Variants in APBB1IP observed in about 807,000 individuals in gnomAD.
APBB1IP encodes amyloid beta precursor protein binding family B member 1 interacting protein, also known as amyloid beta A4 precursor protein-binding family B member 1-interacting protein.
Under a neutral mutation model 64.9 loss-of-function variants are expected in APBB1IP, and 27 were observed. The ratio of observed to expected loss-of-function variants is 0.42; its 90% CI spans 0.31 to 0.57. The LOEUF is 0.57. Ranked by LOEUF, APBB1IP falls within the 20% of genes least tolerant of loss-of-function variation. The pLI is 0.20. For synonymous variants in APBB1IP, 392 were observed against 331.0 expected (o/e 1.18, Z -2.00); for missense variants, 812 against 845.5 (o/e 0.96, Z 0.49).
intron 2 of APBB1IP, among the ~76,000 whole-genome samples, chr10:26,445,187 A>G (rs952418306): frequency 6.8e-6 from 1 of 147,762 alleles, no homozygotes; most frequent in Admixed American, 6.8e-5. Flanking sequence ...AAAGAAAGAA[A>G]GAAAGAAAAG....
rs777500923 is a variant in APBB1IP, at chr10:26,489,554, T to TTA, written c.1-2772_1-2771dup. On this transcript the variant is annotated intron_variant, in intron 2 of 14. Transcript: ENST00000376236. The stretch of plus-strand genomic sequence containing the variant: ...ATGCACTGATTCACGCAAAATGATT[T>TTA]TACAGCCTCATCTGTTCTGATTGCT... 1.4e-4 allele frequency among the ~76,000 whole-genome samples: 21 copies of TTA among 152,316 alleles called. No homozygotes were observed. The East Asian group carries it at 4.0e-3, about 29-fold the overall frequency.
At chr10:26,498,862 T>A (rs787041) in intron 4 of APBB1IP, among the ~76,000 whole-genome samples, 86,891 of 152,140 alleles carry the variant, frequency 0.57, 27,421 homozygotes, top group East Asian at 0.87. Flanking sequence ...GGACAAGACA[T>A]TTAAAAACTA....
chr10:26,489,892 G>T (rs1835934624), intron 2 of APBB1IP, among the ~76,000 whole-genome samples: 1 of 152,174 alleles, frequency 6.6e-6, no homozygotes, highest in Non-Finnish European at 1.5e-5. Flanking sequence ...AGGCATAGTG[G>T]TGGGTGCCCA....
At position 26,503,241 on chromosome 10, in the gene APBB1IP, G is replaced by A. The variant is rs117705625; in HGVS notation, c.498G>A (p.Ala166=). 9.9e-4 allele frequency: 1,590 copies of A among 1,614,054 alleles called. 5 individuals are homozygous for A. The highest frequency in any genetic ancestry group is 1.3e-3 in the Non-Finnish European group (1,478 of 1,179,990). Residue 166 remains alanine, a synonymous_variant, in exon 6 of 15, where the codon GCG becomes GCA. Transcript: ENST00000376236. ...AQAKADKIKL[A]LEKLKEAKVK... is the part of the protein sequence containing the mutation. ...CCAAGGCTGATAAAATTAAGCTGGC[G>A]CTGGAAAAACTGAAGGAGGCCAAGG...
chr10:26,510,766 ACACACACAC>A (rs1836246914), intron 6 of APBB1IP, among the ~76,000 whole-genome samples: 5 of 151,704 alleles, frequency 3.3e-5, no homozygotes, highest in African/African-American at 4.8e-5. Flanking sequence ...ACACACACAC[ACACACACAC>A]AAATGAAAAT....
chr10:26,566,531 G>A (rs189602687), intron 14 of APBB1IP, among the ~76,000 whole-genome samples: 4 of 152,192 alleles, frequency 2.6e-5, no homozygotes, highest in African/African-American at 7.2e-5. Flanking sequence ...TGAGATTATA[G>A]GCATGAGCCA....
chr10:26,496,284 G>A lies in APBB1IP; in HGVS notation c.73-20G>A, dbSNP rs1247200698. The A allele has an allele frequency of 1.5e-5, 23 of 1,571,678 alleles. No homozygotes were observed. Among genetic ancestry groups the A allele is most frequent in the Non-Finnish European group, 1.9e-5 (22 of 1,144,170 alleles). On this transcript the variant is annotated intron_variant, in intron 3 of 14. Transcript: ENST00000376236. Reference sequence around the variant, plus strand: ...TGTTTGTATCATGAATAACTTTGATGGGGGGATCTTTTTTCACAGAGTTTA... The same window carrying A: ...TGTTTGTATCATGAATAACTTTGATAGGGGGATCTTTTTTCACAGAGTTTA...
In APBB1IP at chr10:26,513,804, C is replaced by T. The variant is rs1460644319; in HGVS notation, c.813+144C>T. 6.0e-6 allele frequency: 6 copies of T among 998,412 alleles called. No homozygotes were observed. In the African/African-American group the frequency reaches 8.5e-5, roughly 14 times the overall value. The allele number at this position is 998,412 out of a possible 1,614,324, so 61.8% of individuals were successfully genotyped here. ...CTGGAGTGCAGTGGCGTGATCTTGG[C>T]TCACTACAACCTCCGCCTCCTGGGT... On this transcript the variant is annotated intron_variant, in intron 8 of 14. Transcript: ENST00000376236.
chr10:26,483,092 TAAAA>T (rs35069320), intron 2 of APBB1IP, among the ~76,000 whole-genome samples: 3 of 67,140 alleles, frequency 4.5e-5, no homozygotes, highest in African/African-American at 5.8e-5. Context: ...CTCCATCTGA[TAAAA>T]AAAAAAAAAA....
chr10:26,495,348 G>A (rs1209341275), intron 3 of APBB1IP, among the ~76,000 whole-genome samples: 1 of 148,042 alleles, frequency 6.8e-6, no homozygotes, highest in Non-Finnish European at 1.5e-5. Flanking sequence ...TATGGTGGAG[G>A]AGAGTTTAAG....
At chr10:26,443,458 A>AAT (rs1835358701) in intron 2 of APBB1IP, among the ~76,000 whole-genome samples, 1 of 151,930 alleles carries the variant, frequency 6.6e-6, no homozygotes, top group Non-Finnish European at 1.5e-5. Context: ...AAAAAAAAAA[A>AAT]ATTACTTATA....
intron 2 of APBB1IP, among the ~76,000 whole-genome samples, chr10:26,480,264 A>T (rs912663377): frequency 4.6e-5 from 7 of 152,066 alleles, no homozygotes; most frequent in Admixed American, 3.3e-4. Context: ...CCACTCCAAG[A>T]CCTAGGAACC....
intron 9 of APBB1IP, among the ~76,000 whole-genome samples, chr10:26,535,519 C>T (rs1306473684): frequency 6.6e-6 from 1 of 152,144 alleles, no homozygotes; most frequent in Non-Finnish European, 1.5e-5. Context: ...TGACTATAGT[C>T]ACCCTGCTTT....
intron 2 of APBB1IP, among the ~76,000 whole-genome samples, chr10:26,449,190 C>A (rs1328969856): frequency 6.6e-6 from 1 of 152,126 alleles, no homozygotes; most frequent in East Asian, 1.9e-4. Context: ...CTTTTAAAAG[C>A]GTGCCTGACC....
At position 26,442,393 on chromosome 10, in the gene APBB1IP, C is replaced by G. The variant is rs527478815; in HGVS notation, c.-1+3540C>G. ...CAGCCGGCTAGGTTGATTAAATCAA[C>G]AAGCAAGCAGTGAGTTTAATATTTT... On this transcript the variant is annotated intron_variant, in intron 2 of 14. Transcript: ENST00000376236. 1.1e-4 allele frequency among the ~76,000 whole-genome samples: 17 copies of G among 152,272 alleles called. No individual in the cohort carries two copies. The East Asian group carries it at 3.3e-3, about 29-fold the overall frequency.
At chr10:26,454,705 TAACTC>T (rs1835503130) in intron 2 of APBB1IP, among the ~76,000 whole-genome samples, 1 of 152,156 alleles carries the variant, frequency 6.6e-6, no homozygotes, top group African/African-American at 2.4e-5. Flanking sequence ...CATTTTAAAA[TAACTC>T]AAAGAATATA....
intron 2 of APBB1IP, among the ~76,000 whole-genome samples, chr10:26,444,206 C>T (rs1282835058): frequency 1.3e-5 from 2 of 151,860 alleles, no homozygotes; most frequent in Non-Finnish European, 2.9e-5. Context: ...CAAGAAGGCC[C>T]CTGTAGTTAG....
chr10:26,567,284 C>CCCGCCG lies in APBB1IP; in HGVS notation c.1812_1817dup (p.Pro605_Pro606dup). 501 of 1,104,102 alleles carry CCCGCCG rather than the reference C, an allele frequency of 4.5e-4. No individual in the cohort carries two copies. Among genetic ancestry groups the CCCGCCG allele is most frequent in the African/African-American group, 3.0e-3 (174 of 58,606 alleles). The allele number at this position is 1,104,102 out of a possible 1,614,324, so 68.4% of individuals were successfully genotyped here. On this transcript the variant is annotated inframe_insertion, in exon 15 of 15. Coordinates refer to ENST00000376236, the MANE Select transcript of APBB1IP (RefSeq NM_019043.4). ...CAGGGATCGCGGGCTCAGAGCTGCC[C>CCCGCCG]CCGCCGCCGCCGCCGCCGCCCGCGC...
chr10:26,481,177 G>T (rs1202648671), intron 2 of APBB1IP, among the ~76,000 whole-genome samples: 1 of 152,144 alleles, frequency 6.6e-6, no homozygotes, highest in East Asian at 1.9e-4. Context: ...CTGGAGGCCA[G>T]ACAGACAGAT....
Sources: allele counts gnomAD v4.1 joint callset (sites outside exome capture counted in the v4.1 genomes callset), GRCh38; gene constraint gnomAD v4.1.1; transcripts MANE v1.5; gene names NCBI Gene and HGNC (gene_info 2026-07-23, HGNC 2026-07-21).